The following TRIT1 variants were observed in gnomAD, a reference collection of about 807,000 sequenced individuals.
TRIT1 encodes tRNA dimethylallyltransferase.
A neutral mutation model predicts 51.2 loss-of-function variants in TRIT1; 43 were observed. That is an observed-to-expected ratio of 0.84 (90% CI 0.66 to 1.08). The LOEUF (loss-of-function observed/expected upper bound fraction) is 1.08. Ranked by LOEUF, TRIT1 falls within the 50% of genes least tolerant of loss-of-function variation. The pLI is 0.00. For synonymous variants in TRIT1, 184 were observed against 203.9 expected, an observed-to-expected ratio of 0.90 and a Z score of 0.83; for missense variants, 528 against 578.4, an observed-to-expected ratio of 0.91 and a Z score of 0.89.
intron 5 of TRIT1, 86 bp downstream of exon 5, chr1:39,850,033 C>T (rs1642469240): frequency 7.0e-7 from 1 of 1,436,982 alleles, no homozygotes; most frequent in African/African-American, 1.4e-5. Flanking sequence ...TTATGAGCCA[C>T]CCATGGTTCT....
At chr1:39,879,942 T>C (rs6600306) in intron 1 of TRIT1, among the ~76,000 whole-genome samples, 83,253 of 147,710 alleles carry the variant, frequency 0.56, 25,501 homozygotes, top group African/African-American at 0.83. Flanking sequence ...TTTGGGAGGT[T>C]GAGGTGGGCG....
chr1:39,878,995 C>A (rs1219376770), intron 1 of TRIT1, among the ~76,000 whole-genome samples: 1 of 152,156 alleles, frequency 6.6e-6, no homozygotes, highest in Admixed American at 6.5e-5. Context: ...CCTGGCCTGG[C>A]GCAGTGGCTC....
At position 39,857,399 on chromosome 1, in the gene TRIT1, T is replaced by C. The variant is rs1417092731; in HGVS notation, c.193A>G (p.Ile65Val). ...DSMQVYEGLD[I>V]ITNKVSAQEQ... ...TGGGCAGAAACCTTGTTGGTGATGATGTCTAGGCCTTCATAGACCTAGGGG... is the reference window on the plus strand; with the variant it reads ...TGGGCAGAAACCTTGTTGGTGATGACGTCTAGGCCTTCATAGACCTAGGGG... The change falls in exon 2 of 11, where the codon ATC becomes GTC. Residue 65 changes from isoleucine (I) to valine (V), a missense_variant. Physicochemically the swap from Ile to Val is conservative, Grantham distance 29. Coordinates refer to ENST00000316891, the MANE Select transcript of TRIT1 (RefSeq NM_017646.6). 5.0e-6 allele frequency: 8 copies of C among 1,614,048 alleles called. No homozygotes were observed. Among genetic ancestry groups the C allele is most frequent in the Non-Finnish European group, 6.8e-6 (8 of 1,179,958 alleles).
chr1:39,883,185 G>A (rs1012999941), intron 1 of TRIT1, 133 bp downstream of exon 1: 39 of 896,072 alleles, frequency 4.4e-5, no homozygotes, highest in Non-Finnish European at 5.8e-5. Context: ...CGGGTGCTTA[G>A]TAAGTATGGG....
intron 1 of TRIT1, among the ~76,000 whole-genome samples, chr1:39,867,565 T>C (rs923562301): frequency 2.6e-5 from 4 of 152,174 alleles, no homozygotes; most frequent in African/African-American, 9.7e-5. Flanking sequence ...AAACAAACAT[T>C]AGGGCAGAGA....
chr1:39,841,780 T>C lies in TRIT1; in HGVS notation c.1368A>G (p.Pro456=). The change falls in exon 11 of 11, where the codon CCA becomes CCG. Residue 456 remains proline (P), a synonymous_variant. Transcript: ENST00000316891. ...ATTTCAGCTCTTGATCATTCTGCCC[T>C]GGGGATCCCTTCTCTTTAGGTTCTT... The part of the protein sequence containing the change: ...HNKEPKEKGS[P]GQNDQELKCS... 6.2e-7 allele frequency: 1 copy of C among 1,613,828 alleles called. No homozygotes were observed. The highest frequency in any genetic ancestry group is 2.2e-5 in the East Asian group (1 of 44,876).
chr1:39,847,944 CA>C, intron 6 of TRIT1, 41 bp downstream of exon 6: 1 of 1,570,010 alleles, frequency 6.4e-7, no homozygotes, highest in Non-Finnish European at 8.8e-7. Flanking sequence ...TGATTGTCTG[CA>C]AAATATGGAC....
At chr1:39,866,493 G>A (rs1198328374) in intron 1 of TRIT1, among the ~76,000 whole-genome samples, 2 of 152,170 alleles carry the variant, frequency 1.3e-5, no homozygotes, top group African/African-American at 2.4e-5. Context: ...TGAAGAGTAC[G>A]GGAAAGGCTG....
chr1:39,871,453 G>A (rs575357502), intron 1 of TRIT1, among the ~76,000 whole-genome samples: 1 of 152,130 alleles, frequency 6.6e-6, no homozygotes, highest in African/African-American at 2.4e-5. Flanking sequence ...GGTGGCACAG[G>A]CCTATAGTCC....
intron 3 of TRIT1, among the ~76,000 whole-genome samples, chr1:39,853,248 C>A (rs960217992): frequency 4.6e-5 from 7 of 152,290 alleles, no homozygotes; most frequent in African/African-American, 1.7e-4. Flanking sequence ...CATAGTAGCA[C>A]CTACGTAAAT....
chr1:39,875,809 G>A (rs1644033643), intron 1 of TRIT1, among the ~76,000 whole-genome samples: 1 of 152,026 alleles, frequency 6.6e-6, no homozygotes, highest in Non-Finnish European at 1.5e-5. Context: ...AGAGTTAGAG[G>A]AAAAAGTATA....
rs201372742 is a variant in TRIT1 at position 39,838,659 on chromosome 1, A to T, written c.*3085T>A. 2.1e-5 allele frequency among the ~76,000 whole-genome samples: 3 copies of T among 144,230 alleles called. No individual in the cohort carries two copies. The highest frequency in any genetic ancestry group is 2.9e-4 in the East Asian group (1 of 3,448). 94.6% of individuals were successfully genotyped at this position (144,230 alleles called of 152,430 possible). On this transcript the variant is annotated 3_prime_UTR_variant, in exon 11 of 11. Transcript: ENST00000316891. Reference sequence around the variant, plus strand: ...GCATGCATACATATATATATATGTAAGTATGTATGTATGTATATATTTGTG... The same window carrying T: ...GCATGCATACATATATATATATGTATGTATGTATGTATGTATATATTTGTG...
chr1:39,847,275 T>C lies in TRIT1; in HGVS notation c.951A>G (p.Val317=). Residue 317 remains valine, a synonymous_variant, in exon 8 of 11, where the codon GTA becomes GTG. Transcript: ENST00000316891. The stretch of plus-strand genomic sequence containing the variant: ...TTTGTTTCCGGGCATATCTCTTAGT[T>C]ACTTGTTTCAGAGCCTCAATACCTG... ...LKKGIEALKQ[V]TKRYARKQNR... is the part of the protein sequence containing the mutation. 6.2e-7 allele frequency: 1 copy of C among 1,614,200 alleles called. No homozygotes were observed. The highest frequency in any genetic ancestry group is 1.1e-5 in the South Asian group (1 of 91,090).
In TRIT1 at chr1:39,847,592, T is replaced by C; in HGVS notation, c.884A>G (p.Glu295Gly). The C allele has an allele frequency of 6.2e-7, 1 of 1,614,218 alleles. No homozygotes were observed. Among genetic ancestry groups the C allele is most frequent in the Non-Finnish European group, 8.5e-7 (1 of 1,180,032 alleles). ...ACTAGTCTCCAGTGTGCATTTTCCC[T>C]CAGTGATCAGGTACTCGTGAAATTC... Reference protein sequence around the residue: ...FKEFHEYLITEGKCTLETSNQ... With the variant: ...FKEFHEYLITGGKCTLETSNQ... Residue 295 changes from glutamate to glycine, a missense_variant, in exon 7 of 11, where the codon GAG (glutamate) becomes GGG (glycine). Glu to Gly is a moderately conservative substitution (Grantham distance 98). Coordinates refer to ENST00000316891, the MANE Select transcript of TRIT1 (RefSeq NM_017646.6).
chr1:39,879,860 G>A (rs1205842303), intron 1 of TRIT1, among the ~76,000 whole-genome samples: 4 of 105,692 alleles, frequency 3.8e-5, no homozygotes, highest in Admixed American at 3.7e-4. Context: ...CCACAATAGC[G>A]AAACTCCATC....
At position 39,839,850 on chromosome 1, in the gene TRIT1, T is replaced by C. The variant is rs924178097; in HGVS notation, c.*1894A>G. ...TTAAAAGCTTTTTGACGTACAATTATTAAAACTAGTTTTTCCTGCTTGTCT... is the reference window on the plus strand; with the variant it reads ...TTAAAAGCTTTTTGACGTACAATTACTAAAACTAGTTTTTCCTGCTTGTCT... On this transcript the variant is annotated 3_prime_UTR_variant, in exon 11 of 11. Coordinates refer to ENST00000316891, the MANE Select transcript of TRIT1 (RefSeq NM_017646.6). 6.6e-6 allele frequency among the ~76,000 whole-genome samples: 1 copy of C among 152,222 alleles called. No individual in the cohort carries two copies. Among genetic ancestry groups the C allele is most frequent in the Non-Finnish European group, 1.5e-5 (1 of 68,044 alleles).
intron 1 of TRIT1, among the ~76,000 whole-genome samples, chr1:39,873,088 T>TGAATAG (rs1465898079): frequency 6.6e-6 from 1 of 152,204 alleles, no homozygotes; most frequent in Admixed American, 6.6e-5. Context: ...ATTCTCCTTC[T>TGAATAG]ATTCAGTGTG....
Position 39,861,460 on chromosome 1 carries a change from A to G in TRIT1, c.175-4043T>C, listed in dbSNP as rs141858266. Among the ~76,000 whole-genome samples, 726 of 152,352 alleles carry G rather than the reference A, an allele frequency of 4.8e-3. 4 individuals carry two copies. The highest frequency in any genetic ancestry group is 0.016 in the African/African-American group (659 of 41,574). ...AACTTAGCAATTCCACTTCAGGTAC[A>G]TACCCAAAAGAATTGAAAGCAGGGT... is the stretch of plus-strand genomic sequence containing the variant. On this transcript the variant is annotated intron_variant, in intron 1 of 10. Transcript: ENST00000316891.
chr1:39,846,650 C>T (rs2124584111), intron 8 of TRIT1, among the ~76,000 whole-genome samples: 1 of 152,298 alleles, frequency 6.6e-6, no homozygotes, highest in Non-Finnish European at 1.5e-5. Flanking sequence ...TAACACCTAC[C>T]TTGAAGACTC....
Sources: gnomAD v4.1 joint callset for allele counts (sites outside exome capture counted in the v4.1 genomes callset) on GRCh38, gnomAD v4.1.1 for gene constraint, MANE v1.5 for transcripts, NCBI Gene and HGNC (gene_info 2026-07-23, HGNC 2026-07-21) for gene names.